STK25: variants seen among roughly 807,000 people sequenced by gnomAD.
STK25 encodes the protein serine/threonine-protein kinase 25.
In STK25, 29 loss-of-function variants were observed where a neutral mutation model predicts 53.8. That is an observed-to-expected ratio of 0.54 (90% CI 0.40 to 0.74). STK25 has a LOEUF of 0.74. STK25 is among the 30% of genes least tolerant of loss of function. The pLI is 0.00. For synonymous variants in STK25, 247 were observed against 238.3 expected (o/e 1.04, Z -0.33); for missense variants, 420 against 568.0 (o/e 0.74, Z 2.65).
In STK25 at chr2:241,501,717, C is replaced by A. The variant is rs758201875; in HGVS notation, c.31-9G>T. On this transcript the variant is annotated splice_polypyrimidine_tract_variant and intron_variant, in intron 2 of 11. Coordinates refer to ENST00000316586, the MANE Select transcript of STK25 (RefSeq NM_001271977.2). The surrounding 1 kb of genome is among the most constrained non-coding windows in gnomAD (Gnocchi z 5.3). The stretch of plus-strand genomic sequence containing the variant: ...GGGTCCACTCGAGAGTGCTGTGGGG[C>A]CAGGGCGGGGACAGAGGGCAGACAG... 1.2e-5 allele frequency: 20 copies of A among 1,608,118 alleles called. No homozygotes were observed. The highest frequency in any genetic ancestry group is 1.5e-5 in the Non-Finnish European group (18 of 1,176,156).
Position 241,492,863 on chromosome 2 carries a change from C to G in STK25, c.*2799G>C. On this transcript the variant is annotated 3_prime_UTR_variant, in exon 12 of 12. Transcript: ENST00000316586. ...CATGCAGAGGCTTAGTCTTGGGGAG[C>G]AAACCCACTCCCACAAGGGGTCCTG... 2.2e-6 allele frequency: 2 copies of G among 924,074 alleles called. No individual in the cohort carries two copies. Among genetic ancestry groups the G allele is most frequent in the Non-Finnish European group, 3.6e-6 (2 of 559,918 alleles). The allele number at this position is 924,074 out of a possible 1,614,324, so 57.2% of individuals were successfully genotyped here. A position where few individuals can be genotyped will look rare whatever the true frequency, so the allele number is the denominator to read the frequency against.
rs532980171 is a variant in STK25 at position 241,499,489 on chromosome 2, G to A, written c.428-75C>T. 6 of 1,541,406 alleles carry A rather than the reference G, an allele frequency of 3.9e-6. No homozygotes were observed. In the African/African-American group the frequency reaches 6.8e-5, roughly 17 times the overall value. On this transcript the variant is annotated intron_variant, in intron 5 of 11. Transcript: ENST00000316586. ...ACCCCGGGCCCCCTGAGAAGGGCCA[G>A]GGTACCATCCACCTGGCCTCCTAGG...
Position 241,500,159 on chromosome 2 carries a change from AC to A in STK25, c.427+13del, listed in dbSNP as rs2065423194. The A allele has an allele frequency of 6.2e-7, 1 of 1,603,678 alleles. No individual in the cohort carries two copies. Among genetic ancestry groups the A allele is most frequent in the African/African-American group, 1.4e-5 (1 of 72,424 alleles). ...TCAGGACGTTACAAGAGCCACATCCACCCCCAGCAGGACCTTTGATGTCTCG... is the reference window on the plus strand; with the variant it reads ...TCAGGACGTTACAAGAGCCACATCCACCCCAGCAGGACCTTTGATGTCTCG... On this transcript the variant is annotated intron_variant, in intron 5 of 11. Coordinates refer to ENST00000316586, the MANE Select transcript of STK25 (RefSeq NM_001271977.2).
chr2:241,508,265 G>T lies in STK25; in HGVS notation c.-100-130C>A, dbSNP rs2065979114. 5 of 1,297,846 alleles carry T rather than the reference G, an allele frequency of 3.9e-6. No individual in the cohort carries two copies. The East Asian group carries it at 1.6e-4, about 42-fold the overall frequency. The allele number at this position is 1,297,846 out of a possible 1,614,324, so 80.4% of individuals were successfully genotyped here. A position where few individuals can be genotyped will look rare whatever the true frequency, so the allele number is the denominator to read the frequency against. On this transcript the variant is annotated intron_variant, in intron 1 of 11. Coordinates refer to ENST00000316586, the MANE Select transcript of STK25 (RefSeq NM_001271977.2). ...GCCGCCGGGGCCCCGCCACGCCCGG[G>T]CCTAACGCCCAGGCTCCCGGGGGCT...
chr2:241,503,892 C>T, intron 2 of STK25: 2 of 411,520 alleles, frequency 4.9e-6, no homozygotes, highest in South Asian at 3.7e-5. Context: ...GGGTCCACCC[C>T]AGGCCTAAGC....
Position 241,501,343 on chromosome 2 carries a change from A to G in STK25, c.261+135T>C. On this transcript the variant is annotated intron_variant, in intron 3 of 11. Transcript: ENST00000316586. The surrounding 1 kb of genome is among the most constrained non-coding windows in gnomAD (Gnocchi z 5.3). The stretch of plus-strand genomic sequence containing the variant: ...ACGAGGGCTCACACCCTGCCTGCCC[A>G]GGGCAGTTTCCCGGAGGGCATGCAC... 1 of 868,874 alleles carries G rather than the reference A, an allele frequency of 1.2e-6. No homozygotes were observed. The highest frequency in any genetic ancestry group is 1.9e-6 in the Non-Finnish European group (1 of 537,226). 53.8% of individuals were successfully genotyped at this position (868,874 alleles called of 1,614,324 possible). A position where few individuals can be genotyped will look rare whatever the true frequency, so the allele number is the denominator to read the frequency against.
At chr2:241,508,784 T>C (rs895788052), upstream of STK25, 13 of 980,890 alleles carry the variant, frequency 1.3e-5, no homozygotes, top group African/African-American at 2.1e-4. Flanking sequence ...CCCGAAAGGT[T>C]TGGACTGCGT....
rs1035534848 is a variant in STK25, at chr2:241,499,803, G to A, written c.427+370C>T. On this transcript the variant is annotated intron_variant, in intron 5 of 11. Coordinates refer to ENST00000316586, the MANE Select transcript of STK25 (RefSeq NM_001271977.2). ...ATGACAGAGATGGCTCGTTGCCAGT[G>A]GCAAGTCCCTCCCCATGGGCTGGCC... 3 of 458,188 alleles carry A rather than the reference G, an allele frequency of 6.5e-6. No individual in the cohort carries two copies. The Admixed American group carries it at 1.0e-4, about 16-fold the overall frequency. The allele number at this position is 458,188 out of a possible 1,614,324, so 28.4% of individuals were successfully genotyped here. A position where few individuals can be genotyped will look rare whatever the true frequency, so the allele number is the denominator to read the frequency against.
chr2:241,498,943 C>T (rs1221813442), intron 7 of STK25, 46 bp downstream of exon 7: 3 of 1,612,410 alleles, frequency 1.9e-6, no homozygotes, highest in Non-Finnish European at 2.5e-6. Flanking sequence ...GAACGCCCTC[C>T]CTCCACGTCC....
In STK25 at chr2:241,494,428, G is replaced by A. The variant is rs2065048189; in HGVS notation, c.*1234C>T. On this transcript the variant is annotated 3_prime_UTR_variant, in exon 12 of 12. Coordinates refer to ENST00000316586, the MANE Select transcript of STK25 (RefSeq NM_001271977.2). This position sits in a 1 kb window ranked among gnomAD's most constrained non-coding sequence, Gnocchi z 4.9. ...AAGACGCAGACAAGGCCTGAGCAGT[G>A]CTCTCGGCATCGGACCAAAGCCTGG... is the stretch of plus-strand genomic sequence containing the variant. The A allele has an allele frequency of 4.3e-6, 1 of 230,370 alleles. No individual in the cohort carries two copies. The highest frequency in any genetic ancestry group is 8.4e-6 in the Non-Finnish European group (1 of 118,632). 14.3% of individuals were successfully genotyped at this position (230,370 alleles called of 1,614,324 possible). A position where few individuals can be genotyped will look rare whatever the true frequency, so the allele number is the denominator to read the frequency against.
chr2:241,497,752 C>T, intron 9 of STK25, 65 bp from the exon 10 acceptor site: 1 of 1,487,846 alleles, frequency 6.7e-7, no homozygotes, highest in Non-Finnish European at 9.4e-7. Context: ...CACTCCCATC[C>T]CTGCCCAGGC....
intron 11 of STK25, 46 bp from the exon 12 acceptor site, chr2:241,495,747 C>T (rs1441235041): frequency 6.2e-7 from 1 of 1,612,034 alleles, no homozygotes; most frequent in Non-Finnish European, 8.5e-7. Context: ...CCTCTGTGCC[C>T]AGGCTCCTGA....
upstream of STK25, among the ~76,000 whole-genome samples, chr2:241,508,870 G>C (rs1174342931): frequency 6.6e-6 from 1 of 152,002 alleles, no homozygotes; most frequent in Non-Finnish European, 1.5e-5. Context: ...CCTCGCCCTC[G>C]CGGGTCTTCT....
At chr2:241,506,294 C>T (rs1172977447) in intron 2 of STK25, among the ~76,000 whole-genome samples, 2 of 152,214 alleles carry the variant, frequency 1.3e-5, no homozygotes, top group African/African-American at 4.8e-5. Context: ...CAGGCTGGGA[C>T]AAAGGGATCC....
intron 2 of STK25, among the ~76,000 whole-genome samples, chr2:241,506,260 T>C (rs757729415): frequency 6.6e-6 from 1 of 152,210 alleles, no homozygotes; most frequent in Non-Finnish European, 1.5e-5. Context: ...TCTGCCACTA[T>C]ATGAAGTCAA....
At chr2:241,495,759 G>A (rs1233683155) in intron 11 of STK25, 58 bp from the exon 12 acceptor site, 28 of 1,599,528 alleles carry the variant, frequency 1.8e-5, no homozygotes, top group South Asian at 1.1e-4. Flanking sequence ...GGCTCCTGAC[G>A]GCCTCTTGGG....
At position 241,493,610 on chromosome 2, in the gene STK25, TTG is replaced by T; in HGVS notation, c.*2050_*2051del. 1 of 623,786 alleles carries T rather than the reference TTG, an allele frequency of 1.6e-6. No individual in the cohort carries two copies. The highest frequency in any genetic ancestry group is 2.9e-5 in the Admixed American group (1 of 34,448). 38.6% of individuals were successfully genotyped at this position (623,786 alleles called of 1,614,324 possible). A position where few individuals can be genotyped will look rare whatever the true frequency, so the allele number is the denominator to read the frequency against. On this transcript the variant is annotated 3_prime_UTR_variant, in exon 12 of 12. Transcript: ENST00000316586. ...CAGCAATGCTTTGTTTTTTTTTTTT[TTG>T]GAGATGGCGTCTCCCTCTGTCACTC...
intron 4 of STK25, 80 bp downstream of exon 4, chr2:241,500,660 T>C (rs1391136106): frequency 2.8e-6 from 4 of 1,405,726 alleles, no homozygotes; most frequent in Non-Finnish European, 4.0e-6. Flanking sequence ...AAACGAGAGG[T>C]GGCCCCTGGA....
intron 5 of STK25, 186 bp from the exon 6 acceptor site, chr2:241,499,600 A>T (rs2065381498): frequency 2.9e-6 from 2 of 697,894 alleles, no homozygotes; most frequent in Non-Finnish European, 4.7e-6. Context: ...CACTGCCAGC[A>T]GGAGCCCAAC....
Sources: allele counts gnomAD v4.1 joint callset (sites outside exome capture counted in the v4.1 genomes callset), GRCh38; gene constraint gnomAD v4.1.1; non-coding constraint Gnocchi (gnomAD v3.1); transcripts MANE v1.5; gene names NCBI Gene and HGNC (gene_info 2026-07-23, HGNC 2026-07-21).